The following NOL10 variants were observed in gnomAD, a reference collection of about 807,000 sequenced individuals.
NOL10 encodes nucleolar protein 10.
NOL10 carries 58 observed loss-of-function variants against 103.5 expected under a neutral mutation model. That is an observed-to-expected ratio of 0.56 (90% CI 0.45 to 0.70). NOL10 has a LOEUF of 0.70. NOL10 is among the 30% of genes least tolerant of loss of function. The probability of loss-of-function intolerance (pLI) is 0.00; values close to 1 mark genes in which losing one functional copy is unlikely to be tolerated. For missense variants in NOL10, 763 were observed against 807.3 expected (o/e 0.95, Z 0.67); for synonymous variants, 287 against 282.5 (o/e 1.02, Z -0.16).
At chr2:10,641,832 C>G (rs1255778153) in intron 13 of NOL10, among the ~76,000 whole-genome samples, 1 of 152,112 alleles carries the variant, frequency 6.6e-6, no homozygotes. Flanking sequence ...TCAGGACTGC[C>G]CCTCCCCACC....
Position 10,587,068 on chromosome 2 carries a change from CAT to C in NOL10, c.1844+1973_1844+1974del, listed in dbSNP as rs760492547. On this transcript the variant is annotated intron_variant, in intron 19 of 20. Coordinates refer to ENST00000381685, the MANE Select transcript of NOL10 (RefSeq NM_024894.4). Reference sequence around the variant, plus strand: ...GTATATATATATACATATATATATACATATATATACATATATATACATATATA... The same window carrying C: ...GTATATATATATACATATATATATACATATATACATATATATACATATATA... Among the ~76,000 whole-genome samples the C allele has an allele frequency of 5.8e-3, 143 of 24,712 alleles. 34 individuals are homozygous for C. The highest frequency in any genetic ancestry group is 0.011 in the African/African-American group (62 of 5,618). 16.2% of individuals were successfully genotyped at this position (24,712 alleles called of 152,430 possible). A position where few individuals can be genotyped will look rare whatever the true frequency, so the allele number is the denominator to read the frequency against.
Position 10,571,952 on chromosome 2 carries a change from AC to A in NOL10, c.*118del, listed in dbSNP as rs1674199733. 4 of 1,231,568 alleles carry A rather than the reference AC, an allele frequency of 3.2e-6. No homozygotes were observed. In the South Asian group the frequency reaches 5.7e-5, roughly 18 times the overall value. 76.3% of individuals were successfully genotyped at this position (1,231,568 alleles called of 1,614,324 possible). On this transcript the variant is annotated 3_prime_UTR_variant, in exon 21 of 21. Transcript: ENST00000381685. Reference sequence around the variant, plus strand: ...GGTTTTCAAATCTTTACCTCTGTGTACAAGAACGTACATGAACTTTAAAAAC... The same window carrying A: ...GGTTTTCAAATCTTTACCTCTGTGTAAAGAACGTACATGAACTTTAAAAAC...
chr2:10,640,175 AAC>A (rs982160157), intron 13 of NOL10, among the ~76,000 whole-genome samples: 2 of 152,208 alleles, frequency 1.3e-5, no homozygotes, highest in Admixed American at 6.5e-5. Context: ...TCATACATTA[AAC>A]ACACATTTCT....
intron 9 of NOL10, 66 bp downstream of exon 9, chr2:10,662,893 A>T: frequency 8.5e-7 from 1 of 1,176,710 alleles, no homozygotes; most frequent in Non-Finnish European, 1.2e-6. Context: ...ATTTGAATTT[A>T]ATATAGACAC....
intron 13 of NOL10, among the ~76,000 whole-genome samples, chr2:10,611,367 T>C (rs971279824): frequency 6.6e-6 from 1 of 152,260 alleles, no homozygotes; most frequent in Non-Finnish European, 1.5e-5. Flanking sequence ...ATACATGCCA[T>C]GTGCCCAAGA....
At chr2:10,588,893 C>G in intron 19 of NOL10, 150 bp downstream of exon 19, 1 of 1,181,894 alleles carries the variant, frequency 8.5e-7, no homozygotes, top group South Asian at 1.5e-5. Flanking sequence ...ACCTCCTGCA[C>G]GGCCTTACCT....
intron 19 of NOL10, among the ~76,000 whole-genome samples, chr2:10,583,851 T>C (rs1401939471): frequency 6.6e-6 from 1 of 152,250 alleles, no homozygotes; most frequent in South Asian, 2.1e-4. Context: ...ATTCTGCTAA[T>C]GGGTTTCTGG....
chr2:10,646,075 GTAGAATC>G (rs1679054401), intron 12 of NOL10, among the ~76,000 whole-genome samples: 1 of 152,144 alleles, frequency 6.6e-6, no homozygotes, highest in Admixed American at 6.5e-5. Context: ...TGTAACTCTT[GTAGAATC>G]TTTCATCTTA....
chr2:10,677,683 G>A (rs1290830485), intron 3 of NOL10, among the ~76,000 whole-genome samples: 1 of 151,788 alleles, frequency 6.6e-6, no homozygotes, highest in Non-Finnish European at 1.5e-5. Context: ...ACGTTGCCCA[G>A]GCTGGTCTCA....
chr2:10,643,781 GA>G lies in NOL10; in HGVS notation c.1026+538del, dbSNP rs1223735961. On this transcript the variant is annotated intron_variant, in intron 13 of 20. Transcript: ENST00000381685. ...AACAAAAAATAAATGTAAATCAGAA[GA>G]ATAAATACTAATTTATAATGTCTGT... Among the ~76,000 whole-genome samples the G allele has an allele frequency of 2.0e-5, 3 of 152,252 alleles. No individual in the cohort carries two copies. In the East Asian group the frequency reaches 5.8e-4, roughly 29 times the overall value.
intron 10 of NOL10, among the ~76,000 whole-genome samples, chr2:10,658,806 G>A (rs540275497): frequency 7.2e-5 from 11 of 152,178 alleles, no homozygotes; most frequent in African/African-American, 1.2e-4. Flanking sequence ...GGCCAAGCCC[G>A]GTGGCTCACG....
At chr2:10,609,431 C>CAAAAAAAAAA (rs60104799) in intron 13 of NOL10, among the ~76,000 whole-genome samples, 348 of 110,266 alleles carry the variant, frequency 3.2e-3, no homozygotes, top group Non-Finnish European at 4.1e-3. Context: ...ACTAAAAATA[C>CAAAAAAAAAA]AAAAAAAAAA....
intron 12 of NOL10, among the ~76,000 whole-genome samples, chr2:10,651,699 C>G (rs1022169231): frequency 2.2e-4 from 34 of 152,068 alleles, no homozygotes; most frequent in African/African-American, 7.7e-4. Context: ...TATCCCTGCT[C>G]GTCACCCTTG....
intron 13 of NOL10, among the ~76,000 whole-genome samples, chr2:10,622,496 AAG>A (rs1491007679): frequency 1.3e-5 from 2 of 148,794 alleles, no homozygotes; most frequent in Non-Finnish European, 3.0e-5. Flanking sequence ...TTCAAAAAAA[AAG>A]AGAGAAGAAA....
chr2:10,684,692 A>G (rs1341537908), intron 1 of NOL10, 80 bp from the exon 2 acceptor site: 3 of 1,026,464 alleles, frequency 2.9e-6, no homozygotes, highest in Non-Finnish European at 4.4e-6. Context: ...ATACATGCTT[A>G]TATTTAAAAA....
In NOL10 at chr2:10,687,096, G is replaced by C. The variant is rs527680285; in HGVS notation, c.67-2484C>G. 4.3e-4 allele frequency among the ~76,000 whole-genome samples: 60 copies of C among 140,232 alleles called. No homozygotes were observed. In the South Asian group the frequency reaches 0.014, roughly 32 times the overall value. 92.0% of individuals were successfully genotyped at this position (140,232 alleles called of 152,430 possible). A position where few individuals can be genotyped will look rare whatever the true frequency, so the allele number is the denominator to read the frequency against. On this transcript the variant is annotated intron_variant, in intron 1 of 20. Transcript: ENST00000381685. ...TTAATAAAAAGGTAAAGCCCAGAAG[G>C]AGAGAAGCAATATTTGCACAGATCA...
At chr2:10,609,701 A>C (rs546441981) in intron 13 of NOL10, among the ~76,000 whole-genome samples, 1 of 152,336 alleles carries the variant, frequency 6.6e-6, no homozygotes, top group South Asian at 2.1e-4. Flanking sequence ...TTGTAACTAC[A>C]GGGGTATCTG....
intron 17 of NOL10, among the ~76,000 whole-genome samples, chr2:10,600,524 C>T (rs570597094): frequency 1.3e-5 from 2 of 152,128 alleles, no homozygotes; most frequent in Non-Finnish European, 2.9e-5. Context: ...AATGGGAAAC[C>T]ACCTGTGTTA....
chr2:10,581,383 A>G (rs1165618873), intron 19 of NOL10, among the ~76,000 whole-genome samples: 1 of 144,642 alleles, frequency 6.9e-6, no homozygotes, highest in East Asian at 2.0e-4. Context: ...GAAAGAGAAA[A>G]AGCAGCAACC....
Sources: gnomAD v4.1 joint callset for allele counts (sites outside exome capture counted in the v4.1 genomes callset) on GRCh38, gnomAD v4.1.1 for gene constraint, MANE v1.5 for transcripts, NCBI Gene and HGNC (gene_info 2026-07-23, HGNC 2026-07-21) for gene names.